Variants in MLIP observed in about 807,000 individuals in gnomAD.
MLIP encodes muscular LMNA interacting protein, also known as muscular LMNA-interacting protein.
Under a neutral mutation model 84.8 loss-of-function variants are expected in MLIP, and 79 were observed. That is an observed-to-expected ratio of 0.93 (90% CI 0.78 to 1.12). The LOEUF is 1.12. Among genes scored for constraint, MLIP ranks in the 50% most tolerant of loss-of-function variants. The pLI, the probability that MLIP is intolerant of heterozygous loss-of-function variation, is 0.00. For synonymous variants in MLIP, 504 were observed against 463.0 expected (o/e 1.09, Z -1.14); for missense variants, 1,257 against 1,160.6 (o/e 1.08, Z -1.21).
At chr6:54,207,332 G>T (rs1779100293) in intron 11 of MLIP, among the ~76,000 whole-genome samples, 1 of 151,274 alleles carries the variant, frequency 6.6e-6, no homozygotes. Flanking sequence ...GTCTTTTTGA[G>T]ACAATATTTG....
intron 1 of MLIP, among the ~76,000 whole-genome samples, chr6:54,092,987 C>T (rs1185048740): frequency 1.3e-5 from 2 of 152,138 alleles, no homozygotes; most frequent in East Asian, 3.9e-4. Flanking sequence ...AGCAATTCTC[C>T]TGCCTGGGCC....
intron 11 of MLIP, among the ~76,000 whole-genome samples, chr6:54,205,776 TA>T (rs1225511778): frequency 6.6e-6 from 1 of 152,078 alleles, no homozygotes; most frequent in Non-Finnish European, 1.5e-5. Context: ...GATTTTTTTT[TA>T]AAAAAACGAA....
At chr6:54,098,599 G>A (rs1340160362) in intron 1 of MLIP, among the ~76,000 whole-genome samples, 1 of 151,908 alleles carries the variant, frequency 6.6e-6, no homozygotes, top group African/African-American at 2.4e-5. Context: ...CCGAAGTTCA[G>A]GGGAAAAAAA....
intron 11 of MLIP, chr6:54,215,208 G>T (rs1381443902): frequency 6.5e-7 from 1 of 1,534,346 alleles, no homozygotes; most frequent in African/African-American, 1.4e-5. Flanking sequence ...TCTGATCATT[G>T]AGGAACCCTA....
intron 1 of MLIP, 94 bp from the exon 2 acceptor site, chr6:54,121,353 A>C: frequency 2.4e-5 from 32 of 1,349,522 alleles, no homozygotes; most frequent in Non-Finnish European, 3.3e-5. Context: ...GCAATTCATC[A>C]AAATAAATGA....
chr6:54,037,065 C>T (rs997424714), intron 1 of MLIP, among the ~76,000 whole-genome samples: 1 of 151,912 alleles, frequency 6.6e-6, no homozygotes, highest in Non-Finnish European at 1.5e-5. Context: ...GTCCTTGGTC[C>T]ACACATGGGA....
In MLIP at chr6:54,138,062, G is replaced by T. The variant is rs1234582292; in HGVS notation, c.1993G>T (p.Ala665Ser). The T allele has an allele frequency of 6.5e-7, 1 of 1,536,000 alleles. No individual in the cohort carries two copies. Among genetic ancestry groups the T allele is most frequent in the Non-Finnish European group, 8.7e-7 (1 of 1,146,856 alleles). ...PNLRSSSLPH[A>S]NLPTLVPQLS... ...CTTGAGGTCCTCCTCTCTCCCTCATGCCAATCTGCCCACCCTGGTGCCCCA... is the reference window on the plus strand; with the variant it reads ...CTTGAGGTCCTCCTCTCTCCCTCATTCCAATCTGCCCACCCTGGTGCCCCA... Residue 665 changes from alanine (A) to serine (S), a missense_variant, in exon 4 of 14, where the codon GCC becomes TCC. Transcript: ENST00000502396.
intron 9 of MLIP, among the ~76,000 whole-genome samples, chr6:54,182,668 G>A (rs1380161785): frequency 1.3e-5 from 2 of 152,006 alleles, no homozygotes; most frequent in African/African-American, 4.8e-5. Flanking sequence ...CTTTGTAGAG[G>A]GAATTTTTTG....
chr6:54,241,560 A>G (rs1196943841), intron 12 of MLIP, among the ~76,000 whole-genome samples: 1 of 152,140 alleles, frequency 6.6e-6, no homozygotes, highest in Non-Finnish European at 1.5e-5. Context: ...AAAAAATACC[A>G]TAGCCACCAA....
chr6:54,212,413 G>A (rs1779520294), intron 11 of MLIP, among the ~76,000 whole-genome samples: 2 of 152,108 alleles, frequency 1.3e-5, no homozygotes, highest in Non-Finnish European at 2.9e-5. Context: ...TCAAAAAAGA[G>A]GGGGGAAAAC....
upstream of MLIP, among the ~76,000 whole-genome samples, chr6:54,107,872 A>T (rs1769130370): frequency 6.6e-6 from 1 of 152,252 alleles, no homozygotes; most frequent in Non-Finnish European, 1.5e-5. Flanking sequence ...CCTGAGGCAT[A>T]AAAACAGACA....
At chr6:54,127,243 A>G (rs1770997509) in intron 3 of MLIP, among the ~76,000 whole-genome samples, 1 of 152,118 alleles carries the variant, frequency 6.6e-6, no homozygotes. Context: ...ATTCTCCATT[A>G]TAATTCCTTT....
intron 4 of MLIP, among the ~76,000 whole-genome samples, chr6:54,147,214 A>G (rs914086556): frequency 6.6e-6 from 1 of 152,176 alleles, no homozygotes; most frequent in Non-Finnish European, 1.5e-5. Flanking sequence ...TAGAGAAAGC[A>G]CGTATATTGG....
At chr6:54,128,017 T>C (rs1771069961) in intron 3 of MLIP, among the ~76,000 whole-genome samples, 1 of 152,136 alleles carries the variant, frequency 6.6e-6, no homozygotes, top group Non-Finnish European at 1.5e-5. Flanking sequence ...ATAGTGACTG[T>C]GGGAATAGAC....
rs746044923 is a variant in MLIP at position 54,230,743 on chromosome 6, G to A, written c.2748G>A (p.Ser916=). 28 of 1,613,744 alleles carry A rather than the reference G, an allele frequency of 1.7e-5. No homozygotes were observed. Among genetic ancestry groups the A allele is most frequent in the Admixed American group, 1.2e-4 (7 of 59,964 alleles). Residue 916 remains serine, a synonymous_variant, in exon 12 of 14, where the codon TCG becomes TCA. Transcript: ENST00000502396. The stretch of plus-strand genomic sequence containing the variant: ...TAACAGTCCCTCCCAAGCCTGTCTC[G>A]CTCCATCCTTTATATCAGACTAAAC... ...QDVTVPPKPV[S]LHPLYQTKLY... is the part of the protein sequence containing the mutation.
upstream of MLIP, among the ~76,000 whole-genome samples, chr6:54,106,481 G>A (rs757300661): frequency 5.0e-4 from 76 of 152,112 alleles, no homozygotes; most frequent in African/African-American, 1.7e-3. Context: ...GCAATGATTC[G>A]GAAAGAAGAC....
chr6:54,111,203 A>C (rs924773661), upstream of MLIP, among the ~76,000 whole-genome samples: 2 of 152,186 alleles, frequency 1.3e-5, no homozygotes, highest in Admixed American at 1.3e-4. Context: ...GGGAAAACAC[A>C]TATCAGTGGC....
upstream of MLIP, among the ~76,000 whole-genome samples, chr6:54,108,662 T>C (rs1311240816): frequency 3.9e-5 from 6 of 152,164 alleles, no homozygotes; most frequent in East Asian, 1.2e-3. Flanking sequence ...AAGTTACCAA[T>C]AAGACACAGA....
chr6:54,199,567 T>C (rs1004935451), intron 10 of MLIP, among the ~76,000 whole-genome samples: 1 of 152,060 alleles, frequency 6.6e-6, no homozygotes, highest in Non-Finnish European at 1.5e-5. Context: ...GCAGATGACT[T>C]GTTAGTATAC....
Sources: allele counts gnomAD v4.1 joint callset (sites outside exome capture counted in the v4.1 genomes callset), GRCh38; gene constraint gnomAD v4.1.1; transcripts MANE v1.5; gene names NCBI Gene and HGNC (gene_info 2026-07-23, HGNC 2026-07-21).